Variants in KRTAP29-1 observed in about 807,000 individuals in gnomAD.
KRTAP29-1 encodes keratin associated like protein 29-1.
For missense variants in KRTAP29-1, 419 were observed against 412.1 expected, an observed-to-expected ratio of 1.02 and a Z score of -0.14; for synonymous variants, 142 against 153.6, an observed-to-expected ratio of 0.92 and a Z score of 0.56.
Position 41,301,831 on chromosome 17 carries a change from A to G in KRTAP29-1, c.1021T>C (p.Cys341Arg). The change falls in exon 1 of 1, where the codon TGT (cysteine) becomes CGT (arginine). Residue 341 changes from cysteine to arginine, a missense_variant. Cys to Arg is a radical substitution (Grantham distance 180). Transcript: ENST00000391353. Reference sequence around the variant, plus strand: ...GAGGTGTGAAGAGGGCTCCATTAACAAAGTGTTGCCTTGCAGAAGCTGGAC... The same window carrying G: ...GAGGTGTGAAGAGGGCTCCATTAACGAAGTGTTGCCTTGCAGAAGCTGGAC... ...CESSFCKATL[C>R] 6.5e-7 allele frequency: 1 copy of G among 1,550,060 alleles called. No homozygotes were observed. Among genetic ancestry groups the G allele is most frequent in the Non-Finnish European group, 8.7e-7 (1 of 1,146,516 alleles).
rs1461807739 is a variant in KRTAP29-1 at position 41,302,652 on chromosome 17, C to T, written c.200G>A (p.Cys67Tyr). The change falls in exon 1 of 1, where the codon TGT becomes TAT. Residue 67 changes from cysteine (C) to tyrosine (Y), a missense_variant. Transcript: ENST00000391353. ...GAPSGCDPAS[C>Y]QPTRLPATSC... Reference sequence around the variant, plus strand: ...CGTTGCTGGAAGGCGGGTAGGTTGACACGAAGCAGGATCACAGCCACTTGG... The same window carrying T: ...CGTTGCTGGAAGGCGGGTAGGTTGATACGAAGCAGGATCACAGCCACTTGG... 1 of 1,550,654 alleles carries T rather than the reference C, an allele frequency of 6.4e-7. No homozygotes were observed.
In KRTAP29-1 at chr17:41,302,699, G is replaced by A. The variant is rs2016851063; in HGVS notation, c.153C>T (p.Ser51=). The A allele has an allele frequency of 6.4e-7, 1 of 1,550,694 alleles. No individual in the cohort carries two copies. Among genetic ancestry groups the A allele is most frequent in the Admixed American group, 2.0e-5 (1 of 51,018 alleles). Residue 51 remains serine, a synonymous_variant, in exon 1 of 1, where the codon AGC becomes AGT. Coordinates refer to ENST00000391353, the MANE Select transcript of KRTAP29-1 (RefSeq NM_001257309.1). The stretch of plus-strand genomic sequence containing the variant: ...TTGGGGCACCAATGGATGGCTGACA[G>A]CTTTCTTGGCATGTGACCAGTTGCC... The part of the protein sequence containing the change: ...RMWQLVTCQE[S]CQPSIGAPSG...
the KRTAP29-1 span, chr17:41,302,489 G>T: frequency 6.4e-7 from 1 of 1,550,528 alleles, no homozygotes; most frequent in South Asian, 1.2e-5. Context: ...GACTGGCATC[G>T]CAGCACTTTT....
In KRTAP29-1 at chr17:41,302,755, A is replaced by G; in HGVS notation, c.97T>C (p.Cys33Arg). 1.3e-6 allele frequency: 2 copies of G among 1,550,742 alleles called. No individual in the cohort carries two copies. The highest frequency in any genetic ancestry group is 1.7e-6 in the Non-Finnish European group (2 of 1,147,030). ...PVKGGFRHALCLPSSCHSRMW... is the reference protein window; with the variant it reads ...PVKGGFRHALRLPSSCHSRMW... ...CTGCTGTGGCAGGAACTAGGCAAAC[A>G]GAGAGCATGTCGAAATCCACCTTTA... Residue 33 changes from cysteine to arginine, a missense_variant, in exon 1 of 1, where the codon TGT (cysteine) becomes CGT (arginine). Coordinates refer to ENST00000391353, the MANE Select transcript of KRTAP29-1 (RefSeq NM_001257309.1).
chr17:41,302,230 G>A lies in KRTAP29-1; in HGVS notation c.622C>T (p.Pro208Ser). Residue 208 changes from proline to serine, a missense_variant, in exon 1 of 1, where the codon CCC (proline) becomes TCC (serine). Transcript: ENST00000391353. The stretch of plus-strand genomic sequence containing the variant: ...CAAGGCTTGAAAATATAGCAGATGG[G>A]TTGATAATAAGTTGATTTACAGGGC... ...GQPCKSTYYQ[P>S]ICYIFKPCQS... 4 of 1,550,502 alleles carry A rather than the reference G, an allele frequency of 2.6e-6. No homozygotes were observed. Among genetic ancestry groups the A allele is most frequent in the Non-Finnish European group, 3.5e-6 (4 of 1,146,954 alleles).
rs1598073158 is a variant in KRTAP29-1 at position 41,302,718 on chromosome 17, A to G, written c.134T>C (p.Leu45Pro). 1 of 1,550,690 alleles carries G rather than the reference A, an allele frequency of 6.4e-7. No homozygotes were observed. Among genetic ancestry groups the G allele is most frequent in the Non-Finnish European group, 8.7e-7 (1 of 1,147,016 alleles). ...CTGACAGCTTTCTTGGCATGTGACC[A>G]GTTGCCACATTCTGCTGTGGCAGGA... ...PSSCHSRMWQLVTCQESCQPS... is the reference protein window; with the variant it reads ...PSSCHSRMWQPVTCQESCQPS... The change falls in exon 1 of 1, where the codon CTG becomes CCG. Residue 45 changes from leucine to proline, a missense_variant. Physicochemically the swap from Leu to Pro is moderately conservative, Grantham distance 98. Transcript: ENST00000391353.
At position 41,302,080 on chromosome 17, in the gene KRTAP29-1, A is replaced by G. The variant is rs2016837561; in HGVS notation, c.772T>C (p.Cys258Arg). The G allele has an allele frequency of 1.9e-6, 3 of 1,550,630 alleles. No individual in the cohort carries two copies. Among genetic ancestry groups the G allele is most frequent in the African/African-American group, 2.7e-5 (2 of 73,176 alleles). Residue 258 changes from cysteine (C) to arginine (R), a missense_variant, in exon 1 of 1, where the codon TGC becomes CGC. Transcript: ENST00000391353. ...PPHCQLVPST[C>R]FIYQPVANCQ... ...TTAGCCACTGGCTGGTAGATGAAGCATGTGGAAGGAACCAGTTGGCAGTGA... is the reference window on the plus strand; with the variant it reads ...TTAGCCACTGGCTGGTAGATGAAGCGTGTGGAAGGAACCAGTTGGCAGTGA...
At chr17:41,302,695 G>A in the KRTAP29-1 span, 14 of 1,550,684 alleles carry the variant, frequency 9.0e-6, no homozygotes, top group South Asian at 1.7e-4. Flanking sequence ...ATGGATGGCT[G>A]ACAGCTTTCT....
chr17:41,301,948 C>T lies in KRTAP29-1; in HGVS notation c.904G>A (p.Gly302Ser), dbSNP rs115643796. 3,852 of 1,550,532 alleles carry T rather than the reference C, an allele frequency of 2.5e-3. 78 individuals are homozygous for T. In the African/African-American group the frequency reaches 0.046, roughly 18 times the overall value. The part of the protein sequence containing the change: ...CDGPPSYNQS[G>S]CKSACCVTGL... ...GTCACACAGCAAGCTGATTTGCAGC[C>T]ACTCTGGTTATAGGAAGGGGGTCCA... is the stretch of plus-strand genomic sequence containing the variant. Residue 302 changes from glycine to serine, a missense_variant, in exon 1 of 1, where the codon GGC becomes AGC. Coordinates refer to ENST00000391353, the MANE Select transcript of KRTAP29-1 (RefSeq NM_001257309.1).
rs1285906182 is a variant in KRTAP29-1 at position 41,302,109 on chromosome 17, G to A, written c.743C>T (p.Pro248Leu). ...TTCCVPSHCQ[P>L]PHCQLVPSTC... ...GGAAGGAACCAGTTGGCAGTGAGGT[G>A]GCTGGCAATGGGAAGGCACACAGCA... is the stretch of plus-strand genomic sequence containing the variant. The change falls in exon 1 of 1, where the codon CCA becomes CTA. Residue 248 changes from proline (P) to leucine (L), a missense_variant. Pro to Leu is a moderately conservative substitution (Grantham distance 98). Coordinates refer to ENST00000391353, the MANE Select transcript of KRTAP29-1 (RefSeq NM_001257309.1). The A allele has an allele frequency of 6.4e-7, 1 of 1,550,642 alleles. No homozygotes were observed. Among genetic ancestry groups the A allele is most frequent in the South Asian group, 1.2e-5 (1 of 84,068 alleles).
Position 41,301,959 on chromosome 17 carries a change from T to C in KRTAP29-1, c.893A>G (p.Tyr298Cys). 1 of 1,550,536 alleles carries C rather than the reference T, an allele frequency of 6.4e-7. No homozygotes were observed. Among genetic ancestry groups the C allele is most frequent in the South Asian group, 1.2e-5 (1 of 84,056 alleles). ...AGCTGATTTGCAGCCACTCTGGTTA[T>C]AGGAAGGGGGTCCATCACAAGTTGG... is the stretch of plus-strand genomic sequence containing the variant. ...GQPTCDGPPS[Y>C]NQSGCKSACC... The change falls in exon 1 of 1, where the codon TAT becomes TGT. Residue 298 changes from tyrosine to cysteine, a missense_variant. Physicochemically the swap from Tyr to Cys is radical, Grantham distance 194. Transcript: ENST00000391353.
rs2016843425 is a variant in KRTAP29-1, at chr17:41,302,361, G to T, written c.491C>A (p.Thr164Asn). 1 of 1,550,402 alleles carries T rather than the reference G, an allele frequency of 6.4e-7. No homozygotes were observed. Among genetic ancestry groups the T allele is most frequent in the Non-Finnish European group, 8.7e-7 (1 of 1,146,992 alleles). Residue 164 changes from threonine (T) to asparagine (N), a missense_variant, in exon 1 of 1, where the codon ACC (threonine) becomes AAC (asparagine). Thr to Asn is a moderately conservative substitution (Grantham distance 65). Coordinates refer to ENST00000391353, the MANE Select transcript of KRTAP29-1 (RefSeq NM_001257309.1). Reference protein sequence around the residue: ...GSCQPSCSEVTSCPETSCLPT... With the variant: ...GSCQPSCSEVNSCPETSCLPT... ...TAGGCAAGAAGTTTCCGGACAGGAGGTCACTTCAGAGCAGGATGGCTGGCA... is the reference window on the plus strand; with the variant it reads ...TAGGCAAGAAGTTTCCGGACAGGAGTTCACTTCAGAGCAGGATGGCTGGCA...
the KRTAP29-1 span, chr17:41,302,455 CCTGGCAGGAGCTTTGCTGGCAGGGA>C: frequency 1.3e-6 from 2 of 1,550,538 alleles, no homozygotes; most frequent in Non-Finnish European, 1.7e-6. Flanking sequence ...CAGACAGATT[CCTGGCAGGAGCTTTGCTGGCAGGGA>C]CTGGCATCGC....
chr17:41,302,481 C>T lies in KRTAP29-1; in HGVS notation c.371G>A (p.Ser124Asn). 1 of 1,550,490 alleles carries T rather than the reference C, an allele frequency of 6.4e-7. No individual in the cohort carries two copies. Among genetic ancestry groups the T allele is most frequent in the Non-Finnish European group, 8.7e-7 (1 of 1,146,940 alleles). Residue 124 changes from serine (S) to asparagine (N), a missense_variant, in exon 1 of 1, where the codon AGT becomes AAT. Transcript: ENST00000391353. ...TCCQEKCCDA[S>N]PCQQSSCQES... is the part of the protein sequence containing the mutation. ...CTGGCAGGAGCTTTGCTGGCAGGGA[C>T]TGGCATCGCAGCACTTTTCCTGACA...
chr17:41,302,140 T>C lies in KRTAP29-1; in HGVS notation c.712A>G (p.Thr238Ala). The stretch of plus-strand genomic sequence containing the variant: ...CAATGGGAAGGCACACAGCAAGTAG[T>C]ATTGCAAGAACTGAACACACAAGTC... The part of the protein sequence containing the change: ...PSTCVFSSCN[T>A]TCCVPSHCQP... The change falls in exon 1 of 1, where the codon ACT (threonine) becomes GCT (alanine). Residue 238 changes from threonine (T) to alanine (A), a missense_variant. Transcript: ENST00000391353. 1 of 1,550,542 alleles carries C rather than the reference T, an allele frequency of 6.4e-7. No individual in the cohort carries two copies.
In KRTAP29-1 at chr17:41,301,968, G is replaced by C. The variant is rs1350873694; in HGVS notation, c.884C>G (p.Pro295Arg). The change falls in exon 1 of 1, where the codon CCC (proline) becomes CGC (arginine). Residue 295 changes from proline to arginine, a missense_variant. Physicochemically the swap from Pro to Arg is moderately radical, Grantham distance 103 (BLOSUM62 -2). Coordinates refer to ENST00000391353, the MANE Select transcript of KRTAP29-1 (RefSeq NM_001257309.1). ...GCAGCCACTCTGGTTATAGGAAGGG[G>C]GTCCATCACAAGTTGGTTGGCCAGA... ...VISGQPTCDGPPSYNQSGCKS... is the reference protein window; with the variant it reads ...VISGQPTCDGRPSYNQSGCKS... The C allele has an allele frequency of 1.3e-6, 2 of 1,550,590 alleles. No homozygotes were observed. Among genetic ancestry groups the C allele is most frequent in the Non-Finnish European group, 1.7e-6 (2 of 1,147,000 alleles).
In KRTAP29-1 at chr17:41,302,220, T is replaced by G. The variant is rs2016840311; in HGVS notation, c.632A>C (p.Tyr211Ser). The G allele has an allele frequency of 6.4e-7, 1 of 1,550,456 alleles. No individual in the cohort carries two copies. The highest frequency in any genetic ancestry group is 8.7e-7 in the Non-Finnish European group (1 of 1,146,980). ...GGCTGATTGGCAAGGCTTGAAAATA[T>G]AGCAGATGGGTTGATAATAAGTTGA... The part of the protein sequence containing the change: ...CKSTYYQPIC[Y>S]IFKPCQSALY... Residue 211 changes from tyrosine to serine, a missense_variant, in exon 1 of 1, where the codon TAT (tyrosine) becomes TCT (serine). By Grantham distance (144) the Tyr-to-Ser change is moderately radical (BLOSUM62 -2). Coordinates refer to ENST00000391353, the MANE Select transcript of KRTAP29-1 (RefSeq NM_001257309.1).
At position 41,301,858 on chromosome 17, in the gene KRTAP29-1, C is replaced by G. The variant is rs1433475088; in HGVS notation, c.994G>C (p.Glu332Gln). 9 of 1,550,392 alleles carry G rather than the reference C, an allele frequency of 5.8e-6. No individual in the cohort carries two copies. The highest frequency in any genetic ancestry group is 2.0e-5 in the Admixed American group (1 of 50,978). ...AGTGTTGCCTTGCAGAAGCTGGACT[C>G]ACAGCTGGGTTGGCATGAAGTCGGC... Reference protein sequence around the residue: ...CLPTSCQPSCESSFCKATLC With the variant: ...CLPTSCQPSCQSSFCKATLC The change falls in exon 1 of 1, where the codon GAG (glutamate) becomes CAG (glutamine). Residue 332 changes from glutamate (E) to glutamine (Q), a missense_variant. Glu to Gln is a conservative substitution (Grantham distance 29). Transcript: ENST00000391353.
rs2016850811 is a variant in KRTAP29-1 at position 41,302,689 on chromosome 17, A to G, written c.163T>C (p.Ser55Pro). Reference protein sequence around the residue: ...LVTCQESCQPSIGAPSGCDPA... With the variant: ...LVTCQESCQPPIGAPSGCDPA... ...TCACAGCCACTTGGGGCACCAATGG[A>G]TGGCTGACAGCTTTCTTGGCATGTG... is the stretch of plus-strand genomic sequence containing the variant. Residue 55 changes from serine (S) to proline (P), a missense_variant, in exon 1 of 1, where the codon TCC becomes CCC. Physicochemically the swap from Ser to Pro is moderately conservative, Grantham distance 74. Transcript: ENST00000391353. 1.9e-6 allele frequency: 3 copies of G among 1,550,526 alleles called. No individual in the cohort carries two copies. The highest frequency in any genetic ancestry group is 1.4e-5 in the African/African-American group (1 of 73,050).
Sources: gnomAD v4.1 joint callset for allele counts on GRCh38, gnomAD v4.1.1 for gene constraint, MANE v1.5 for transcripts, NCBI Gene and HGNC (gene_info 2026-07-23, HGNC 2026-07-21) for gene names.